The following TET2 variants were observed in gnomAD, a reference collection of about 807,000 sequenced individuals.
The protein encoded by TET2 is tet methylcytosine dioxygenase 2.
In TET2, 299 loss-of-function variants were observed where a neutral mutation model predicts 142.9. The ratio of observed to expected loss-of-function variants is 2.09; its 90% CI spans 1.90 to 2.30. TET2 has a LOEUF of 2.30. Among genes scored for constraint, TET2 ranks in the 30% most tolerant of loss-of-function variants. TET2 has a pLI of 0.00. For synonymous variants in TET2, 819 were observed against 849.0 expected (o/e 0.96, Z 0.61); for missense variants, 2,418 against 2,378.0 (o/e 1.02, Z -0.35).
chr4:105,277,152 T>C lies in TET2; in HGVS notation c.*633T>C, dbSNP rs917270826. ...AATGGTGTCTTTAATAGCTAAAAAT[T>C]TAATGCCTTTATATCATCAAGATGC... On this transcript the variant is annotated 3_prime_UTR_variant, in exon 11 of 11. Transcript: ENST00000380013. The C allele has an allele frequency of 4.3e-6, 1 of 231,008 alleles. No homozygotes were observed. Among genetic ancestry groups the C allele is most frequent in the Non-Finnish European group, 8.6e-6 (1 of 116,670 alleles). The allele number at this position is 231,008 out of a possible 1,614,324, so 14.3% of individuals were successfully genotyped here.
At chr4:105,239,081 T>TGTTTTTTTTTTG in intron 3 of TET2, 1 of 226,108 alleles carries the variant, frequency 4.4e-6, no homozygotes, top group Non-Finnish European at 9.2e-6. Flanking sequence ...TTTGTTTTTT[T>TGTTTTTTTTTTG]TTTTTGTTTT....
chr4:105,275,270 A>G lies in TET2; in HGVS notation c.4760A>G (p.Asp1587Gly), dbSNP rs1175254805. Residue 1587 changes from aspartate (D) to glycine (G), a missense_variant, in exon 11 of 11, where the codon GAT (aspartate) becomes GGT (glycine). Physicochemically the swap from Asp to Gly is moderately conservative, Grantham distance 94. Transcript: ENST00000380013. ...SPYPNSSHTS[D>G]IYGSTSPMNF... Reference sequence around the variant, plus strand: ...TATCCAAACTCTTCACACACTTCAGATATCTATGGAAGCACCAGCCCTATG... The same window carrying G: ...TATCCAAACTCTTCACACACTTCAGGTATCTATGGAAGCACCAGCCCTATG... 3.2e-6 allele frequency: 5 copies of G among 1,552,168 alleles called. No individual in the cohort carries two copies. The Admixed American group carries it at 9.8e-5, about 30-fold the overall frequency.
intron 6 of TET2, among the ~76,000 whole-genome samples, chr4:105,256,430 A>G (rs1256249564): frequency 6.6e-6 from 1 of 152,102 alleles, no homozygotes; most frequent in African/African-American, 2.4e-5. Flanking sequence ...ATGTCATTCT[A>G]CTGCCTTCTG....
chr4:105,186,032 G>A (rs1014954352), intron 1 of TET2, among the ~76,000 whole-genome samples: 2 of 152,120 alleles, frequency 1.3e-5, no homozygotes, highest in African/African-American at 4.8e-5. Context: ...TTTGAGACCT[G>A]CCTGGGCAAC....
Position 105,236,315 on chromosome 4 carries a change from T to A in TET2, c.2373T>A (p.Tyr791Ter). 1 of 1,614,030 alleles carries A rather than the reference T, an allele frequency of 6.2e-7. No individual in the cohort carries two copies. Among genetic ancestry groups the A allele is most frequent in the Non-Finnish European group, 8.5e-7 (1 of 1,180,004 alleles). ...VEECFHGENQYSKSSEFETHN... is the reference protein window; with the variant it reads ...VEECFHGENQ ...AATGTTTTCATGGTGAAAATCAGTA[T>A]TCAAAATCAAGCGAGTTCGAGACTC... Residue 791 changes from tyrosine to a stop codon, truncating the protein, a stop_gained, in exon 3 of 11, where the codon TAT becomes TAA. Coordinates refer to ENST00000380013, the MANE Select transcript of TET2 (RefSeq NM_001127208.3). LOFTEE classifies it high-confidence loss of function.
At chr4:105,214,148 G>A (rs1289496319) in intron 2 of TET2, among the ~76,000 whole-genome samples, 1 of 151,882 alleles carries the variant, frequency 6.6e-6, no homozygotes, top group African/African-American at 2.4e-5. Context: ...GTCATGTTAC[G>A]ATATATATTG....
intron 6 of TET2, among the ~76,000 whole-genome samples, chr4:105,256,293 G>T (rs1189584150): frequency 6.6e-6 from 1 of 152,004 alleles, no homozygotes; most frequent in Non-Finnish European, 1.5e-5. Context: ...ATTTTTTGTA[G>T]GACATGCCTG....
chr4:105,264,637 C>T (rs1730601369), intron 8 of TET2, among the ~76,000 whole-genome samples: 1 of 152,026 alleles, frequency 6.6e-6, no homozygotes, highest in South Asian at 2.1e-4. Context: ...TAAATTAAGT[C>T]AATTAATAGT....
intron 2 of TET2, among the ~76,000 whole-genome samples, chr4:105,230,599 C>T (rs1728451928): frequency 6.6e-6 from 1 of 152,142 alleles, no homozygotes; most frequent in Admixed American, 6.5e-5. Flanking sequence ...TAGTAGATAT[C>T]TTCTTAAATA....
intron 6 of TET2, among the ~76,000 whole-genome samples, chr4:105,256,078 C>T (rs980082150): frequency 6.6e-6 from 1 of 152,024 alleles, no homozygotes; most frequent in African/African-American, 2.4e-5. Context: ...TTATTTTATG[C>T]CCATTAACAC....
chr4:105,188,648 C>A (rs983295997), intron 1 of TET2, among the ~76,000 whole-genome samples: 1 of 152,012 alleles, frequency 6.6e-6, no homozygotes, highest in Non-Finnish European at 1.5e-5. Context: ...CATGGCATAT[C>A]AAAACAGTAG....
intron 6 of TET2, among the ~76,000 whole-genome samples, chr4:105,252,998 A>G (rs1014674310): frequency 1.3e-5 from 2 of 152,164 alleles, no homozygotes; most frequent in South Asian, 4.1e-4. Flanking sequence ...ATATTTGTCT[A>G]GACTTTCACC....
Position 105,236,595 on chromosome 4 carries a change from G to A in TET2, c.2653G>A (p.Glu885Lys). ...KQDLLHRCFQ[E>K]QEQKSQQASV... Reference sequence around the variant, plus strand: ...AGATCTTCTTCACAGGTGCTTTCAAGAACAGGAGCAGAAGTCACAACAAGC... The same window carrying A: ...AGATCTTCTTCACAGGTGCTTTCAAAAACAGGAGCAGAAGTCACAACAAGC... Residue 885 changes from glutamate to lysine, a missense_variant, in exon 3 of 11, where the codon GAA (glutamate) becomes AAA (lysine). Coordinates refer to ENST00000380013, the MANE Select transcript of TET2 (RefSeq NM_001127208.3). 6.2e-7 allele frequency: 1 copy of A among 1,614,082 alleles called. No homozygotes were observed. Among genetic ancestry groups the A allele is most frequent in the Non-Finnish European group, 8.5e-7 (1 of 1,180,010 alleles).
chr4:105,183,900 A>T (rs28707121), intron 1 of TET2, among the ~76,000 whole-genome samples: 8,600 of 152,138 alleles, frequency 0.057, 671 homozygotes, highest in African/African-American at 0.17. Context: ...CTCCTATACT[A>T]CTTGAAATTT....
rs1728537345 is a variant in TET2, at chr4:105,232,022, C to G, written c.-46-1875C>G. Among the ~76,000 whole-genome samples, 3 of 152,300 alleles carry G rather than the reference C, an allele frequency of 2.0e-5. No homozygotes were observed. The South Asian group carries it at 6.2e-4, about 32-fold the overall frequency. On this transcript the variant is annotated intron_variant, in intron 2 of 10. Coordinates refer to ENST00000380013, the MANE Select transcript of TET2 (RefSeq NM_001127208.3). ...TTAATAGGTAGTTTTTTGATCCTCT[C>G]CCTTCTCCCATCCTCAAAGTATCCC... is the stretch of plus-strand genomic sequence containing the variant.
rs533173479 is a variant in TET2, at chr4:105,186,263, G to T, written c.-192-4097G>T. On this transcript the variant is annotated intron_variant, in intron 1 of 10. Coordinates refer to ENST00000380013, the MANE Select transcript of TET2 (RefSeq NM_001127208.3). ...AAACAAAAAAACAAAAACAACAGTA[G>T]ATATGTGTGTGGGAATGAGAACATT... Among the ~76,000 whole-genome samples the T allele has an allele frequency of 2.0e-5, 3 of 152,128 alleles. No homozygotes were observed. The South Asian group carries it at 6.2e-4, about 32-fold the overall frequency.
At chr4:105,165,884 A>G (rs1449739016) in intron 1 of TET2, among the ~76,000 whole-genome samples, 2 of 152,192 alleles carry the variant, frequency 1.3e-5, no homozygotes, top group Admixed American at 6.5e-5. Context: ...ATTGCTTTAA[A>G]AAATTGTTTA....
intron 2 of TET2, among the ~76,000 whole-genome samples, chr4:105,212,494 G>C (rs776462075): frequency 1.3e-5 from 2 of 151,500 alleles, no homozygotes; most frequent in Non-Finnish European, 1.5e-5. Flanking sequence ...TTTATTTGTG[G>C]GTATACACAC....
At chr4:105,170,794 C>CTTTTAATTTTA (rs1196308103) in intron 1 of TET2, among the ~76,000 whole-genome samples, 1 of 152,182 alleles carries the variant, frequency 6.6e-6, no homozygotes, top group Non-Finnish European at 1.5e-5. Flanking sequence ...GCTGTTGCGG[C>CTTTTAATTTTA]TACCTCAAAA....
Sources: allele counts gnomAD v4.1 joint callset (sites outside exome capture counted in the v4.1 genomes callset), GRCh38; gene constraint gnomAD v4.1.1; transcripts MANE v1.5; gene names NCBI Gene and HGNC (gene_info 2026-07-23, HGNC 2026-07-21).